The following ESR1 variants were observed in gnomAD, a reference collection of about 807,000 sequenced individuals.
The protein encoded by ESR1 is estrogen receptor 1, also known as estrogen receptor.
In ESR1, 12 loss-of-function variants were observed where a neutral mutation model predicts 52.7. That is an observed-to-expected ratio of 0.23 (90% CI 0.15 to 0.37). The LOEUF (loss-of-function observed/expected upper bound fraction) is 0.37, where lower values mean the gene tolerates loss of function less well. Ranked by LOEUF, ESR1 falls within the 10% of genes least tolerant of loss-of-function variation. ESR1 has a pLI of 1.00. For missense variants in ESR1, 584 were observed against 779.7 expected, an observed-to-expected ratio of 0.75 and a Z score of 2.99; for synonymous variants, 305 against 316.8, an observed-to-expected ratio of 0.96 and a Z score of 0.39.
At chr6:151,901,256 C>G (rs1235157731) in intron 3 of ESR1, among the ~76,000 whole-genome samples, 1 of 152,156 alleles carries the variant, frequency 6.6e-6, no homozygotes, top group African/African-American at 2.4e-5. Context: ...TCACCCAGCT[C>G]CCTTGCAACC....
At chr6:151,745,020 C>A (rs1783382781) in intron 2 of ESR1, among the ~76,000 whole-genome samples, 1 of 152,208 alleles carries the variant, frequency 6.6e-6, no homozygotes, top group African/African-American at 2.4e-5. Context: ...CCTCACAGCT[C>A]TCCCTGCTCT....
At chr6:152,119,028 G>A (rs2152515366) in intron 6 of ESR1, among the ~76,000 whole-genome samples, 1 of 152,304 alleles carries the variant, frequency 6.6e-6, no homozygotes, top group Middle Eastern at 3.4e-3. Flanking sequence ...CACCGAACAA[G>A]GAACCTGTCC....
At chr6:151,874,366 A>G (rs1299736418) in intron 2 of ESR1, among the ~76,000 whole-genome samples, 2 of 152,216 alleles carry the variant, frequency 1.3e-5, no homozygotes, top group Non-Finnish European at 2.9e-5. Context: ...TTTTCTAGTC[A>G]CAAATTAAAT....
chr6:152,042,332 G>A (rs570513512), intron 5 of ESR1, among the ~76,000 whole-genome samples: 2 of 152,280 alleles, frequency 1.3e-5, no homozygotes, highest in South Asian at 4.1e-4. Flanking sequence ...TTGGACCTGA[G>A]CTAAAATTCC....
intron 4 of ESR1, among the ~76,000 whole-genome samples, chr6:151,964,583 G>A (rs1186273863): frequency 1.3e-5 from 2 of 150,434 alleles, no homozygotes; most frequent in African/African-American, 4.9e-5. Context: ...AAGTTTTGGT[G>A]TTTTCTGTAT....
chr6:152,052,953 A>G (rs1322981923), intron 5 of ESR1, among the ~76,000 whole-genome samples: 1 of 152,180 alleles, frequency 6.6e-6, no homozygotes, highest in Non-Finnish European at 1.5e-5. Context: ...TAGCCCATCC[A>G]GGGCCCTAGC....
chr6:151,748,314 C>A (rs76714558), intron 2 of ESR1, among the ~76,000 whole-genome samples: 1 of 152,070 alleles, frequency 6.6e-6, no homozygotes, highest in African/African-American at 2.4e-5. Flanking sequence ...TGACGTATCC[C>A]TAGATATGTA....
At chr6:151,732,623 G>A (rs1276749874) in intron 2 of ESR1, among the ~76,000 whole-genome samples, 1 of 151,852 alleles carries the variant, frequency 6.6e-6, no homozygotes, top group Non-Finnish European at 1.5e-5. Flanking sequence ...TGCCTTTTCA[G>A]TTGACCTATT....
chr6:151,800,782 A>G (rs982839283), upstream of ESR1, among the ~76,000 whole-genome samples: 8 of 152,202 alleles, frequency 5.3e-5, no homozygotes, highest in African/African-American at 1.7e-4. Flanking sequence ...TGAATGAGTC[A>G]TTCACTGGCA....
intron 2 of ESR1, among the ~76,000 whole-genome samples, chr6:151,857,861 C>T (rs1451508621): frequency 6.6e-6 from 1 of 152,106 alleles, no homozygotes; most frequent in Non-Finnish European, 1.5e-5. Context: ...ATGTGTACTA[C>T]AAAATATTAA....
At position 152,094,970 on chromosome 6, in the gene ESR1, G is replaced by A. The variant is rs1407656894; in HGVS notation, c.1553+402G>A. 2.0e-5 allele frequency among the ~76,000 whole-genome samples: 3 copies of A among 152,032 alleles called. No individual in the cohort carries two copies. Among genetic ancestry groups the A allele is most frequent in the Non-Finnish European group, 4.4e-5 (3 of 68,010 alleles). On this transcript the variant is annotated intron_variant, in intron 7 of 7. Coordinates refer to ENST00000206249, the MANE Select transcript of ESR1 (RefSeq NM_000125.4). This position sits in a 1 kb window ranked among gnomAD's most constrained non-coding sequence, Gnocchi z 4.6. Reference sequence around the variant, plus strand: ...CGGATATTCTAAATGAGAGACCCTGGGGCCAGATGCCTCACGGAGAGTCAA... The same window carrying A: ...CGGATATTCTAAATGAGAGACCCTGAGGCCAGATGCCTCACGGAGAGTCAA...
intron 2 of ESR1, among the ~76,000 whole-genome samples, chr6:151,728,447 C>G (rs58703817): frequency 3.3e-5 from 5 of 152,174 alleles, no homozygotes; most frequent in Admixed American, 3.3e-4. Flanking sequence ...ACTGAGTAGT[C>G]TAGTGTTGTA....
At chr6:151,893,881 T>G (rs1249278248) in intron 3 of ESR1, among the ~76,000 whole-genome samples, 3 of 152,174 alleles carry the variant, frequency 2.0e-5, no homozygotes, top group Non-Finnish European at 4.4e-5. Flanking sequence ...AGCAGAGAAG[T>G]GACTTTCTTA....
At chr6:152,022,881 G>A (rs2043800867) in intron 5 of ESR1, among the ~76,000 whole-genome samples, 1 of 151,890 alleles carries the variant, frequency 6.6e-6, no homozygotes, top group Non-Finnish European at 1.5e-5. Flanking sequence ...GGAGGCTGAG[G>A]CAGGAGAATC....
chr6:152,018,543 G>T (rs1225340266), intron 5 of ESR1, among the ~76,000 whole-genome samples: 1 of 152,016 alleles, frequency 6.6e-6, no homozygotes, highest in African/African-American at 2.4e-5. Context: ...CTGAAAAATG[G>T]GTGGTACACT....
At chr6:152,087,179 G>A (rs2049794084) in intron 6 of ESR1, among the ~76,000 whole-genome samples, 1 of 152,116 alleles carries the variant, frequency 6.6e-6, no homozygotes, top group African/African-American at 2.4e-5. Flanking sequence ...TAGCATGATG[G>A]GGGATGTCTA....
At chr6:151,991,708 C>G (rs1033892568) in intron 4 of ESR1, among the ~76,000 whole-genome samples, 1 of 152,078 alleles carries the variant, frequency 6.6e-6, no homozygotes, top group Non-Finnish European at 1.5e-5. Context: ...GGAAATGACA[C>G]GATGAGCAGA....
chr6:151,845,793 G>A (rs1041418395), intron 2 of ESR1, among the ~76,000 whole-genome samples: 1 of 152,114 alleles, frequency 6.6e-6, no homozygotes, highest in Non-Finnish European at 1.5e-5. Context: ...TAGAAAGAAG[G>A]CAGAGTTATT....
At chr6:151,661,480 C>G (rs904335017) in intron 1 of ESR1, among the ~76,000 whole-genome samples, 1 of 152,222 alleles carries the variant, frequency 6.6e-6, no homozygotes, top group Non-Finnish European at 1.5e-5. Context: ...CACAAGCCCT[C>G]ACTTTGTTCT....
Sources: allele counts gnomAD v4.1 joint callset (sites outside exome capture counted in the v4.1 genomes callset), GRCh38; gene constraint gnomAD v4.1.1; non-coding constraint Gnocchi (gnomAD v3.1); transcripts MANE v1.5; gene names NCBI Gene and HGNC (gene_info 2026-07-23, HGNC 2026-07-21).